NKAIN3: variants seen among roughly 807,000 people sequenced by gnomAD.
NKAIN3 encodes the protein sodium/potassium transporting ATPase interacting 3, also known as sodium/potassium-transporting ATPase subunit beta-1-interacting protein 3.
NKAIN3 carries 25 observed loss-of-function variants against 30.2 expected under a neutral mutation model. That is an observed-to-expected ratio of 0.83 (90% CI 0.60 to 1.16). The LOEUF (loss-of-function observed/expected upper bound fraction) is 1.16, where lower values mean the gene tolerates loss of function less well. Among genes scored for constraint, NKAIN3 ranks in the 50% most tolerant of loss-of-function variants. NKAIN3 has a pLI of 0.00. For synonymous variants in NKAIN3, 91 were observed against 89.6 expected, an observed-to-expected ratio of 1.02 and a Z score of -0.09; for missense variants, 225 against 254.1, an observed-to-expected ratio of 0.89 and a Z score of 0.78.
chr8:62,741,204 C>T lies in NKAIN3; in HGVS notation c.274-5728C>T, dbSNP rs60134196. ...TTGAGTCTATGACGTTACAGACTTACCTGAAATTCTCTTTTCTATTGTCCT... is the reference window on the plus strand; with the variant it reads ...TTGAGTCTATGACGTTACAGACTTATCTGAAATTCTCTTTTCTATTGTCCT... On this transcript the variant is annotated intron_variant, in intron 3 of 6. Coordinates refer to ENST00000623646, the MANE Select transcript of NKAIN3 (RefSeq NM_001304533.3). Among the ~76,000 whole-genome samples the T allele has an allele frequency of 9.8e-3, 1,484 of 152,086 alleles. 23 individuals carry two copies. The highest frequency in any genetic ancestry group is 0.034 in the African/African-American group (1,406 of 41,496).
chr8:62,577,258 G>C (rs1423428976), intron 1 of NKAIN3, among the ~76,000 whole-genome samples: 1 of 151,932 alleles, frequency 6.6e-6, no homozygotes, highest in Non-Finnish European at 1.5e-5. Context: ...AATAGAGAGA[G>C]TGCCTTGAAT....
At chr8:62,657,201 T>C (rs557817775) in intron 3 of NKAIN3, among the ~76,000 whole-genome samples, 1 of 152,344 alleles carries the variant, frequency 6.6e-6, no homozygotes, top group African/African-American at 2.4e-5. Context: ...CCATCATTTA[T>C]CAACTGCCCA....
chr8:62,840,826 GAGAA>G (rs1338532958), intron 4 of NKAIN3, among the ~76,000 whole-genome samples: 1 of 152,104 alleles, frequency 6.6e-6, no homozygotes, highest in East Asian at 1.9e-4. Flanking sequence ...GAGAACATCT[GAGAA>G]AGAGTCATCA....
intron 1 of NKAIN3, among the ~76,000 whole-genome samples, chr8:62,424,316 G>A (rs971217095): frequency 6.6e-6 from 1 of 151,790 alleles, no homozygotes; most frequent in Non-Finnish European, 1.5e-5. Flanking sequence ...AGACAAATGG[G>A]ACTACATTAA....
intron 3 of NKAIN3, among the ~76,000 whole-genome samples, chr8:62,650,535 C>A (rs1035032432): frequency 6.6e-6 from 1 of 152,116 alleles, no homozygotes; most frequent in Non-Finnish European, 1.5e-5. Context: ...GTTTTTATTT[C>A]TATTCTTCTC....
chr8:62,822,020 G>C (rs916176023), intron 4 of NKAIN3, among the ~76,000 whole-genome samples: 3 of 151,886 alleles, frequency 2.0e-5, no homozygotes, highest in Non-Finnish European at 2.9e-5. Flanking sequence ...ATTAGGGCTG[G>C]AAAAAAATCC....
intron 4 of NKAIN3, among the ~76,000 whole-genome samples, chr8:62,838,844 C>G (rs1819445932): frequency 6.6e-6 from 1 of 152,020 alleles, no homozygotes; most frequent in Non-Finnish European, 1.5e-5. Flanking sequence ...TGGGGGATCA[C>G]CAGAAAAACT....
intron 3 of NKAIN3, among the ~76,000 whole-genome samples, chr8:62,737,958 T>C (rs1332247465): frequency 6.6e-6 from 1 of 152,186 alleles, no homozygotes; most frequent in East Asian, 1.9e-4. Context: ...CTATTGTGAA[T>C]AGTGCTGCAA....
chr8:62,804,122 T>C (rs1356235541), intron 4 of NKAIN3, among the ~76,000 whole-genome samples: 1 of 152,158 alleles, frequency 6.6e-6, no homozygotes, highest in Non-Finnish European at 1.5e-5. Flanking sequence ...CAATAATCAA[T>C]AGCTTACCAA....
intron 3 of NKAIN3, among the ~76,000 whole-genome samples, chr8:62,685,367 G>A (rs1164806103): frequency 6.6e-6 from 1 of 152,058 alleles, no homozygotes; most frequent in Admixed American, 6.6e-5. Context: ...TCACTGATTT[G>A]TAAACTATCC....
chr8:62,571,309 T>C (rs957577528), intron 1 of NKAIN3, among the ~76,000 whole-genome samples: 4 of 152,146 alleles, frequency 2.6e-5, no homozygotes, highest in Admixed American at 1.3e-4. Flanking sequence ...CTAATTTTTG[T>C]ATTTTTAGTA....
In NKAIN3 at chr8:62,793,802, CAT is replaced by C. The variant is rs1563564339; in HGVS notation, c.471+46674_471+46675del. On this transcript the variant is annotated intron_variant, in intron 4 of 6. Coordinates refer to ENST00000623646, the MANE Select transcript of NKAIN3 (RefSeq NM_001304533.3). The stretch of plus-strand genomic sequence containing the variant: ...CAGCTCTAAGAACATCTAAGATATG[CAT>C]CCTAAATGTCATTACCCAGAATGTC... 1.9e-4 allele frequency among the ~76,000 whole-genome samples: 29 copies of C among 152,292 alleles called. No homozygotes were observed. In the South Asian group the frequency reaches 5.4e-3, roughly 28 times the overall value.
In NKAIN3 at chr8:62,737,196, G is replaced by T. The variant is rs183695255; in HGVS notation, c.274-9736G>T. 9.7e-4 allele frequency among the ~76,000 whole-genome samples: 148 copies of T among 152,264 alleles called. 1 individual carries two copies. Among genetic ancestry groups the T allele is most frequent in the African/African-American group, 3.2e-3 (132 of 41,564 alleles). ...GTTCATGATGTGAGCTCCTGAGTGG[G>T]ACCCACAAGTTAGTTGTGCCTGCTG... On this transcript the variant is annotated intron_variant, in intron 3 of 6. Transcript: ENST00000623646.
Position 62,883,457 on chromosome 8 carries a change from G to GTTGTTTTTTTTTTT in NKAIN3, c.472-34994_472-34993insGTTTTTTTTTTTTT. 9.7e-3 allele frequency among the ~76,000 whole-genome samples: 679 copies of GTTGTTTTTTTTTTT among 70,110 alleles called. 128 individuals are homozygous for GTTGTTTTTTTTTTT. Among genetic ancestry groups the GTTGTTTTTTTTTTT allele is most frequent in the African/African-American group, 0.035 (502 of 14,242 alleles). The allele number at this position is 70,110 out of a possible 152,430, so 46.0% of individuals were successfully genotyped here. On this transcript the variant is annotated intron_variant, in intron 4 of 6. Coordinates refer to ENST00000623646, the MANE Select transcript of NKAIN3 (RefSeq NM_001304533.3). ...TTTATTATTTCCAGGAGTTTTATGG[G>GTTGTTTTTTTTTTT]TTTTTTTTTTTTTTTTCAGATTTTC...
chr8:62,953,443 G>A (rs780186443), intron 5 of NKAIN3, among the ~76,000 whole-genome samples: 5 of 152,186 alleles, frequency 3.3e-5, no homozygotes, highest in Non-Finnish European at 5.9e-5. Context: ...GCCGATTTTT[G>A]GGGAGTGGCT....
intron 3 of NKAIN3, among the ~76,000 whole-genome samples, chr8:62,739,452 T>C (rs1815790729): frequency 1.3e-5 from 2 of 152,202 alleles, no homozygotes; most frequent in South Asian, 4.1e-4. Context: ...GAATTTATGT[T>C]GCTCTGATAG....
intron 3 of NKAIN3, among the ~76,000 whole-genome samples, chr8:62,677,320 G>T (rs1249878043): frequency 1.3e-5 from 2 of 152,292 alleles, no homozygotes; most frequent in East Asian, 3.9e-4. Flanking sequence ...GAACTCTTCA[G>T]CTGGCATTAA....
chr8:62,741,398 G>A (rs941196939), intron 3 of NKAIN3, among the ~76,000 whole-genome samples: 1 of 147,182 alleles, frequency 6.8e-6, no homozygotes, highest in African/African-American at 2.7e-5. Context: ...AAGGAAGGAA[G>A]GAAGGAAGGA....
chr8:62,534,966 ACT>A (rs1343426354), intron 1 of NKAIN3, among the ~76,000 whole-genome samples: 1 of 151,828 alleles, frequency 6.6e-6, no homozygotes, highest in East Asian at 1.9e-4. Context: ...TAGACAAATA[ACT>A]CTATCCATTG....
Sources: gnomAD v4.1 joint callset for allele counts (sites outside exome capture counted in the v4.1 genomes callset) on GRCh38, gnomAD v4.1.1 for gene constraint, MANE v1.5 for transcripts, NCBI Gene and HGNC (gene_info 2026-07-23, HGNC 2026-07-21) for gene names.